Variants in NID1 observed in about 807,000 individuals in gnomAD.
NID1 encodes nidogen 1.
NID1 carries 76 observed loss-of-function variants against 130.6 expected under a neutral mutation model. That is an observed-to-expected ratio of 0.58 (90% CI 0.48 to 0.70). The LOEUF (loss-of-function observed/expected upper bound fraction) is 0.70. NID1 is among the 30% of genes least tolerant of loss of function. The pLI is 0.00. For missense variants in NID1, 1,517 were observed against 1,664.8 expected (o/e 0.91, Z 1.54); for synonymous variants, 665 against 675.1 (o/e 0.98, Z 0.23).
At chr1:236,019,475 T>TTGGA (rs1658693462) in intron 9 of NID1, among the ~76,000 whole-genome samples, 5 of 152,330 alleles carry the variant, frequency 3.3e-5, no homozygotes, top group African/African-American at 1.2e-4. Flanking sequence ...TGGGAACATT[T>TTGGA]ACGCAAGGGG....
Position 236,048,952 on chromosome 1 carries a change from G to A in NID1, c.263C>T (p.Pro88Leu), listed in dbSNP as rs774356618. ...TNGIIATSEP[P>L]AKESHPGLFP... Reference sequence around the variant, plus strand: ...GAGCCCGGGATGGGATTCTTTGGCCGGGGGTTCACTCGTAGCAATGATGCC... The same window carrying A: ...GAGCCCGGGATGGGATTCTTTGGCCAGGGGTTCACTCGTAGCAATGATGCC... Residue 88 changes from proline to leucine, a missense_variant, in exon 2 of 20, where the codon CCG becomes CTG. Pro to Leu is a moderately conservative substitution (Grantham distance 98). This residue lies in a region of NID1 where 1,329 missense variants were observed against 1,429.2 expected (regional missense o/e 0.93). Transcript: ENST00000264187. 2.4e-5 allele frequency: 39 copies of A among 1,613,854 alleles called. No individual in the cohort carries two copies. The highest frequency in any genetic ancestry group is 4.5e-5 in the East Asian group (2 of 44,890).
chr1:236,060,767 G>GC (rs1660017385), intron 1 of NID1: 1 of 113,504 alleles, frequency 8.8e-6, no homozygotes, highest in East Asian at 3.8e-4. Flanking sequence ...ATTAGACTGG[G>GC]CAAAAAAAAA....
Position 235,991,051 on chromosome 1 carries a change from A to G in NID1, c.2763T>C (p.Ser921=). 1 of 1,591,250 alleles carries G rather than the reference A, an allele frequency of 6.3e-7. No individual in the cohort carries two copies. The highest frequency in any genetic ancestry group is 2.2e-5 in the East Asian group (1 of 44,790). The change falls in exon 14 of 20, where the codon AGT becomes AGC. Residue 921 remains serine, a synonymous_variant. Coordinates refer to ENST00000264187, the MANE Select transcript of NID1 (RefSeq NM_002508.3). ...CTTGGTGAATCGGGGGAGCCACTGT[A>G]CTCAGACCTGCATGGCAGAGGGGGT... ...TRPGMTPPCL[S]TVAPPIHQGP... is the part of the protein sequence containing the mutation.
chr1:236,006,087 T>C (rs994162534), intron 12 of NID1, among the ~76,000 whole-genome samples: 7 of 152,158 alleles, frequency 4.6e-5, no homozygotes, highest in African/African-American at 1.7e-4. Flanking sequence ...TCTCCACCCA[T>C]ATACCGAATA....
At position 236,037,604 on chromosome 1, in the gene NID1, G is replaced by A. The variant is rs1031023548; in HGVS notation, c.1285+500C>T. On this transcript the variant is annotated intron_variant, in intron 5 of 19. Transcript: ENST00000264187. ...ACCTGGGAGATGAAAGCTGCAGTGA[G>A]CCAAGGTCACACCACTGCACTCTAG... is the stretch of plus-strand genomic sequence containing the variant. 1.7e-4 allele frequency among the ~76,000 whole-genome samples: 26 copies of A among 151,828 alleles called. 1 individual carries two copies. Among genetic ancestry groups the A allele is most frequent in the African/African-American group, 5.1e-4 (21 of 41,342 alleles).
chr1:236,051,994 G>A (rs918014729), intron 1 of NID1, among the ~76,000 whole-genome samples: 4 of 152,224 alleles, frequency 2.6e-5, no homozygotes, highest in Non-Finnish European at 5.9e-5. Context: ...ACCCTCATTA[G>A]TATTTGCATT....
chr1:236,045,650 C>T lies in NID1; in HGVS notation c.559G>A (p.Asp187Asn). 6.2e-7 allele frequency: 1 copy of T among 1,614,088 alleles called. No individual in the cohort carries two copies. The highest frequency in any genetic ancestry group is 8.5e-7 in the Non-Finnish European group (1 of 1,179,988). ...NTFQAVLASS[D>N]SSSYAIFLYP... ...AGGAAAATGGCATAGGAGCTGGAAT[C>T]AGAGGAGGCTAGAACAGCCTGGAAC... The change falls in exon 3 of 20, where the codon GAT becomes AAT. Residue 187 changes from aspartate (D) to asparagine (N), a missense_variant. Transcript: ENST00000264187.
chr1:235,986,018 C>G (rs1035956809), intron 14 of NID1, among the ~76,000 whole-genome samples: 9 of 152,146 alleles, frequency 5.9e-5, no homozygotes, highest in Non-Finnish European at 1.3e-4. Context: ...GACTCAGCCT[C>G]CCAAAGTGCT....
At chr1:235,995,171 G>A (rs1372496499) in intron 12 of NID1, among the ~76,000 whole-genome samples, 2 of 152,182 alleles carry the variant, frequency 1.3e-5, no homozygotes, top group African/African-American at 2.4e-5. Context: ...GGATAGTTGT[G>A]TTTGTACTGA....
At position 236,026,233 on chromosome 1, in the gene NID1, A is replaced by G. The variant is rs1384698025; in HGVS notation, c.1739-92T>C. 1.1e-5 allele frequency: 17 copies of G among 1,523,098 alleles called. No individual in the cohort carries two copies. The African/African-American group carries it at 2.3e-4, about 21-fold the overall frequency. The allele number at this position is 1,523,098 out of a possible 1,614,324, so 94.3% of individuals were successfully genotyped here. A position where few individuals can be genotyped will look rare whatever the true frequency, so the allele number is the denominator to read the frequency against. ...AAGCTGAATCAACGGCTTTCAAGGC[A>G]CCAGTGGTATTCCCTGCCCATAAGG... On this transcript the variant is annotated intron_variant, in intron 7 of 19. Coordinates refer to ENST00000264187, the MANE Select transcript of NID1 (RefSeq NM_002508.3).
At chr1:236,047,020 A>T (rs1659621934) in intron 2 of NID1, among the ~76,000 whole-genome samples, 1 of 152,180 alleles carries the variant, frequency 6.6e-6, no homozygotes, top group Admixed American at 6.5e-5. Flanking sequence ...CTGAGGCAGG[A>T]GAATCACTTG....
In NID1 at chr1:236,024,070, C is replaced by T. The variant is rs768973242; in HGVS notation, c.2128G>A (p.Asp710Asn). ...AACAAGTCAGAATCAAAGGCTGTAC[C>T]ATAGCAGGTTCGCCCGTCTCCTCGG... ...GFRGDGRTCYDIDECSEQPSV... is the reference protein window; with the variant it reads ...GFRGDGRTCYNIDECSEQPSV... The change falls in exon 9 of 20, where the codon GAT (aspartate) becomes AAT (asparagine). Residue 710 changes from aspartate to asparagine, a missense_variant and splice_region_variant. By Grantham distance (23) the Asp-to-Asn change is conservative. This residue lies in a region of NID1 where 1,329 missense variants were observed against 1,429.2 expected (regional missense o/e 0.93). Transcript: ENST00000264187. 1 of 1,613,836 alleles carries T rather than the reference C, an allele frequency of 6.2e-7. No individual in the cohort carries two copies. The highest frequency in any genetic ancestry group is 1.1e-5 in the South Asian group (1 of 91,060).
At chr1:235,992,636 G>A (rs1452183883) in intron 13 of NID1, among the ~76,000 whole-genome samples, 2 of 152,154 alleles carry the variant, frequency 1.3e-5, no homozygotes, top group African/African-American at 4.8e-5. Context: ...CACTGTTCCT[G>A]TCTATTCACC....
intron 19 of NID1, 141 bp from the exon 20 acceptor site, chr1:235,978,129 A>G (rs1657323939): frequency 1.1e-6 from 1 of 945,596 alleles, no homozygotes; most frequent in African/African-American, 1.7e-5. Context: ...GAGAATGGGG[A>G]CACTGTGCTA....
chr1:236,025,816 A>C, intron 8 of NID1, 80 bp downstream of exon 8: 41 of 1,541,098 alleles, frequency 2.7e-5, no homozygotes, highest in Non-Finnish European at 3.4e-5. Flanking sequence ...ACTGAGAGTA[A>C]GAGACCAAAA....
chr1:236,009,110 C>T (rs1175174440), intron 12 of NID1, among the ~76,000 whole-genome samples: 2 of 152,214 alleles, frequency 1.3e-5, no homozygotes, highest in Non-Finnish European at 2.9e-5. Flanking sequence ...CCCAAATCCA[C>T]GTACTGAAAT....
chr1:235,978,883 C>A (rs138323134), intron 19 of NID1, 112 bp downstream of exon 19: 3 of 721,370 alleles, frequency 4.2e-6, no homozygotes, highest in African/African-American at 3.5e-5. Flanking sequence ...GACTGGATCT[C>A]TCTTACGGCA....
At chr1:236,016,028 C>A (rs966273937) in intron 10 of NID1, among the ~76,000 whole-genome samples, 1 of 152,088 alleles carries the variant, frequency 6.6e-6, no homozygotes, top group African/African-American at 2.4e-5. Flanking sequence ...GTATCCACTG[C>A]CCAAGCTTGA....
At chr1:236,016,859 A>G (rs1466523614) in intron 10 of NID1, among the ~76,000 whole-genome samples, 1 of 152,198 alleles carries the variant, frequency 6.6e-6, no homozygotes, top group Non-Finnish European at 1.5e-5. Flanking sequence ...TATTAAAAGC[A>G]TAATGAAAAT....
Sources: allele counts gnomAD v4.1 joint callset (sites outside exome capture counted in the v4.1 genomes callset), GRCh38; gene constraint gnomAD v4.1.1; regional missense constraint gnomAD v4.1.1; transcripts MANE v1.5; gene names NCBI Gene and HGNC (gene_info 2026-07-23, HGNC 2026-07-21).